Variants in NPC2 observed in about 807,000 individuals in gnomAD.
NPC2 encodes NPC intracellular cholesterol transporter 2, also known as Niemann-Pick disease type C2 protein.
A neutral mutation model predicts 17.0 loss-of-function variants in NPC2; 14 were observed. The ratio of observed to expected loss-of-function variants is 0.82; its 90% CI spans 0.54 to 1.29. The LOEUF (loss-of-function observed/expected upper bound fraction) is 1.29, where lower values mean the gene tolerates loss of function less well. Among genes scored for constraint, NPC2 ranks in the 50% most tolerant of loss-of-function variants. The pLI is 0.00. For missense variants in NPC2, 167 were observed against 183.4 expected (o/e 0.91, Z 0.52); for synonymous variants, 75 against 69.3 (o/e 1.08, Z -0.41).
rs148607507 is a variant in NPC2, at chr14:74,484,507, C to T, written c.271G>A (p.Asp91Asn). ...VPVPFPIPEP[D>N]GCKSGINCPI... ...CAGTTAATTCCACTCTTACAACCAT[C>T]AGGCTCAGGAATGGGAAAGGGAACT... Residue 91 changes from aspartate (D) to asparagine (N), a missense_variant, in exon 3 of 5, where the codon GAT (aspartate) becomes AAT (asparagine). Transcript: ENST00000555619. 5.0e-4 allele frequency: 801 copies of T among 1,614,020 alleles called. No individual in the cohort carries two copies. Among genetic ancestry groups the T allele is most frequent in the Non-Finnish European group, 6.2e-4 (737 of 1,180,028 alleles).
intron 1 of NPC2, among the ~76,000 whole-genome samples, chr14:74,490,903 A>G (rs1184854452): frequency 6.6e-6 from 1 of 152,154 alleles, no homozygotes; most frequent in South Asian, 2.1e-4. Context: ...TTTTCAAATA[A>G]GTAGAATAAT....
At chr14:74,492,487 TTCTA>T (rs924714410) in intron 1 of NPC2, among the ~76,000 whole-genome samples, 1 of 152,216 alleles carries the variant, frequency 6.6e-6, no homozygotes, top group African/African-American at 2.4e-5. Context: ...TCATTGACAG[TTCTA>T]TCTCTCTATC....
In NPC2 at chr14:74,480,876, C is replaced by A. The variant is rs571276608; in HGVS notation, c.364-97G>T. The A allele has an allele frequency of 1.6e-5, 16 of 992,322 alleles. No homozygotes were observed. In the African/African-American group the frequency reaches 2.2e-4, roughly 14 times the overall value. The allele number at this position is 992,322 out of a possible 1,614,324, so 61.5% of individuals were successfully genotyped here. Reference sequence around the variant, plus strand: ...TGAATCCTAGATGTACAGTAGCAAACTTCCTAACTCCTCATACTTTTTTTC... The same window carrying A: ...TGAATCCTAGATGTACAGTAGCAAAATTCCTAACTCCTCATACTTTTTTTC... On this transcript the variant is annotated intron_variant, in intron 3 of 4. Coordinates refer to ENST00000555619, the MANE Select transcript of NPC2 (RefSeq NM_006432.5).
chr14:74,480,863 G>A, intron 3 of NPC2, 84 bp from the exon 4 acceptor site: 1 of 1,153,088 alleles, frequency 8.7e-7, no homozygotes, highest in South Asian at 1.2e-5. Flanking sequence ...AATCCTAGAT[G>A]TACAGTAGCA....
rs188396962 is a variant in NPC2, at chr14:74,487,620, T to G, written c.83-1184A>C. 2.6e-5 allele frequency among the ~76,000 whole-genome samples: 4 copies of G among 152,196 alleles called. No homozygotes were observed. The East Asian group carries it at 7.7e-4, about 29-fold the overall frequency. On this transcript the variant is annotated intron_variant, in intron 1 of 4. Transcript: ENST00000555619. ...AGAAAGCAAATGTAGAGCCTGAAAC[T>G]CCGCGGAGGAAGATCAGAAATGAAT... is the stretch of plus-strand genomic sequence containing the variant.
chr14:74,483,193 C>A, intron 3 of NPC2: 1 of 853,066 alleles, frequency 1.2e-6, no homozygotes, highest in South Asian at 1.5e-5. Context: ...GAAGAATGGC[C>A]AAGGTTTTGC....
chr14:74,483,319 T>A (rs2139666866), intron 3 of NPC2: 5 of 1,268,474 alleles, frequency 3.9e-6, no homozygotes, highest in Middle Eastern at 1.9e-4. Flanking sequence ...ACCTGGAAGA[T>A]GAGTGAGTAG....
intron 1 of NPC2, among the ~76,000 whole-genome samples, chr14:74,486,912 A>C (rs2139670605): frequency 6.6e-6 from 1 of 152,238 alleles, no homozygotes; most frequent in Middle Eastern, 3.4e-3. Context: ...CATATAGATT[A>C]GCATGTAAAT....
At position 74,491,314 on chromosome 14, in the gene NPC2, G is replaced by A. The variant is rs537968710; in HGVS notation, c.82+1879C>T. Among the ~76,000 whole-genome samples, 274 of 152,186 alleles carry A rather than the reference G, an allele frequency of 1.8e-3. 1 individual carries two copies. Among genetic ancestry groups the A allele is most frequent in the African/African-American group, 6.4e-3 (267 of 41,502 alleles). On this transcript the variant is annotated intron_variant, in intron 1 of 4. Coordinates refer to ENST00000555619, the MANE Select transcript of NPC2 (RefSeq NM_006432.5). ...TCTCAATCTCTTGACCTCGTGATCT[G>A]CCCGTCTTGGCCTCCCAAAGTGCTG... is the stretch of plus-strand genomic sequence containing the variant.
At chr14:74,480,978 T>C (rs749534344) in intron 3 of NPC2, among the ~76,000 whole-genome samples, 199 bp from the exon 4 acceptor site, 2 of 152,254 alleles carry the variant, frequency 1.3e-5, no homozygotes, top group Admixed American at 6.5e-5. Flanking sequence ...ACTTGTGATT[T>C]GATGCTAGCA....
intron 1 of NPC2, among the ~76,000 whole-genome samples, chr14:74,488,580 G>T (rs2086737827): frequency 6.6e-6 from 1 of 152,166 alleles, no homozygotes; most frequent in Non-Finnish European, 1.5e-5. Flanking sequence ...CAGGTATGGT[G>T]GTGCTCACCT....
chr14:74,492,180 C>A (rs1415775582), intron 1 of NPC2, among the ~76,000 whole-genome samples: 1 of 152,170 alleles, frequency 6.6e-6, no homozygotes, highest in African/African-American at 2.4e-5. Context: ...CTTAAAAACT[C>A]TGATCCCCGA....
intron 2 of NPC2, among the ~76,000 whole-genome samples, chr14:74,484,957 A>C (rs2086694254): frequency 1.3e-5 from 2 of 152,194 alleles, no homozygotes; most frequent in South Asian, 4.1e-4. Context: ...TGTGTCTTAA[A>C]TGTCATGGTC....
intron 1 of NPC2, among the ~76,000 whole-genome samples, chr14:74,492,378 G>A (rs1451448977): frequency 6.6e-6 from 1 of 152,162 alleles, no homozygotes; most frequent in African/African-American, 2.4e-5. Flanking sequence ...CGTGACTTTA[G>A]GTAGGCTACC....
chr14:74,486,031 C>T (rs988423439), intron 2 of NPC2, among the ~76,000 whole-genome samples: 26 of 152,198 alleles, frequency 1.7e-4, no homozygotes, highest in African/African-American at 6.3e-4. Context: ...ACAGAGCTGA[C>T]ATTCCCATCA....
intron 1 of NPC2, among the ~76,000 whole-genome samples, chr14:74,488,495 C>G (rs1350331768): frequency 6.6e-6 from 1 of 152,166 alleles, no homozygotes; most frequent in Non-Finnish European, 1.5e-5. Context: ...GCAGGTGGAT[C>G]AAGAGGTTAA....
chr14:74,493,326 C>A, upstream of NPC2: 2 of 1,590,596 alleles, frequency 1.3e-6, no homozygotes, highest in South Asian at 2.3e-5. The surrounding 1 kb of genome is among the most constrained non-coding windows in gnomAD (Gnocchi z 4.1). Flanking sequence ...CGCCCGCGGT[C>A]ACAAGACAAA....
At chr14:74,486,524 C>T in intron 1 of NPC2, 88 bp from the exon 2 acceptor site, 1 of 1,036,592 alleles carries the variant, frequency 9.6e-7, no homozygotes, top group East Asian at 2.6e-5. Context: ...AGGTGCTCTG[C>T]TCTCCCATTT....
intron 1 of NPC2, among the ~76,000 whole-genome samples, chr14:74,492,984 C>T (rs952127794): frequency 6.6e-6 from 1 of 152,224 alleles, no homozygotes; most frequent in African/African-American, 2.4e-5. Context: ...AACACGCGTT[C>T]TAAGGAAAGA....
Sources: gnomAD v4.1 joint callset for allele counts (sites outside exome capture counted in the v4.1 genomes callset) on GRCh38, gnomAD v4.1.1 for gene constraint, Gnocchi (gnomAD v3.1) non-coding constraint, MANE v1.5 for transcripts, NCBI Gene and HGNC (gene_info 2026-07-23, HGNC 2026-07-21) for gene names.